Variants in SERPINE2 observed in about 807,000 individuals in gnomAD.
SERPINE2 encodes glia-derived nexin.
Under a neutral mutation model 36.3 loss-of-function variants are expected in SERPINE2, and 14 were observed. The observed-to-expected ratio is 0.39, with a 90% CI of 0.25 to 0.60. The LOEUF is 0.60. Among genes scored for constraint, SERPINE2 ranks in the 20% least tolerant of loss-of-function variants. The pLI, the probability that SERPINE2 is intolerant of heterozygous loss-of-function variation, is 0.57. For synonymous variants in SERPINE2, 192 were observed against 191.8 expected (o/e 1.00, Z -0.01); for missense variants, 418 against 499.6 (o/e 0.84, Z 1.56).
intron 1 of SERPINE2, among the ~76,000 whole-genome samples, chr2:224,038,025 A>G (rs1310781562): frequency 6.6e-6 from 1 of 152,214 alleles, no homozygotes; most frequent in African/African-American, 2.4e-5. Flanking sequence ...AGACCTTCAG[A>G]TAGTGTTGAA....
intron 3 of SERPINE2, among the ~76,000 whole-genome samples, chr2:223,993,433 G>T (rs1229496868): frequency 1.4e-5 from 2 of 148,034 alleles, no homozygotes; most frequent in Non-Finnish European, 3.1e-5. Context: ...TGAAGGTTCA[G>T]TTGTGTGTGT....
At chr2:223,997,975 G>A in intron 3 of SERPINE2, 140 bp downstream of exon 3, 2 of 676,774 alleles carry the variant, frequency 3.0e-6, no homozygotes, top group Non-Finnish European at 5.2e-6. Flanking sequence ...GAGGGAGACT[G>A]AATAGAGCTT....
At chr2:223,976,352 A>G (rs896823145) in intron 8 of SERPINE2, among the ~76,000 whole-genome samples, 1 of 152,190 alleles carries the variant, frequency 6.6e-6, no homozygotes, top group African/African-American at 2.4e-5. Flanking sequence ...GGGTTTTGCC[A>G]TGTTGGCCAG....
chr2:224,031,066 AG>A, intron 1 of SERPINE2: 1 of 975,924 alleles, frequency 1.0e-6, no homozygotes, highest in Non-Finnish European at 1.2e-6. Context: ...TCTTGAAAGG[AG>A]GAGTGTGCTT....
intron 7 of SERPINE2, chr2:223,978,059 TCTCA>T (rs1288577198): frequency 6.2e-6 from 1 of 162,492 alleles, no homozygotes; most frequent in Admixed American, 6.0e-5. Flanking sequence ...GGGGATGGAG[TCTCA>T]CTCTGTCACC....
At chr2:224,011,345 A>G (rs188405350) in intron 1 of SERPINE2, among the ~76,000 whole-genome samples, 2 of 152,234 alleles carry the variant, frequency 1.3e-5, no homozygotes, top group Admixed American at 1.3e-4. Context: ...GACATAAAAA[A>G]TATTACACAT....
At chr2:224,023,239 T>C (rs1161275793) in intron 1 of SERPINE2, among the ~76,000 whole-genome samples, 1 of 152,230 alleles carries the variant, frequency 6.6e-6, no homozygotes, top group Non-Finnish European at 1.5e-5. Flanking sequence ...GTGAGTCTGG[T>C]AATTGTTAGT....
Position 224,001,544 on chromosome 2 carries a change from C to G in SERPINE2, c.259+98G>C. 5 of 1,415,742 alleles carry G rather than the reference C, an allele frequency of 3.5e-6. No homozygotes were observed. In the South Asian group the frequency reaches 4.1e-5, roughly 12 times the overall value. 87.7% of individuals were successfully genotyped at this position (1,415,742 alleles called of 1,614,324 possible). On this transcript the variant is annotated intron_variant, in intron 2 of 8. Coordinates refer to ENST00000409304, the MANE Select transcript of SERPINE2 (RefSeq NM_001136528.2). ...ACCAGCAAATCCCCTTCTGGCTGCT[C>G]TGCTTCTTGGGGTTGTCAGCAAAAA...
chr2:224,025,328 G>A (rs1047363745), intron 1 of SERPINE2, among the ~76,000 whole-genome samples: 8 of 152,158 alleles, frequency 5.3e-5, no homozygotes, highest in Non-Finnish European at 2.9e-5. Flanking sequence ...GTATAAGTGT[G>A]TTTCCAGCAC....
At chr2:224,007,253 A>G (rs1691458700) in intron 1 of SERPINE2, among the ~76,000 whole-genome samples, 1 of 152,214 alleles carries the variant, frequency 6.6e-6, no homozygotes, top group Non-Finnish European at 1.5e-5. Context: ...GATGGTGCAC[A>G]CCTATTTTGG....
chr2:224,020,845 TG>T (rs1691975353), intron 1 of SERPINE2, among the ~76,000 whole-genome samples: 2 of 152,246 alleles, frequency 1.3e-5, no homozygotes, highest in South Asian at 2.1e-4. Flanking sequence ...AATCAAATGC[TG>T]TCTTAAAGTG....
intron 3 of SERPINE2, among the ~76,000 whole-genome samples, chr2:223,996,906 AC>A (rs1239382260): frequency 1.3e-5 from 2 of 152,092 alleles, no homozygotes; most frequent in Non-Finnish European, 2.9e-5. Context: ...GTGAGACCCC[AC>A]CTCTTCAAAA....
chr2:224,006,849 G>A (rs931666224), intron 1 of SERPINE2, among the ~76,000 whole-genome samples: 1 of 152,272 alleles, frequency 6.6e-6, no homozygotes, highest in South Asian at 2.1e-4. Context: ...TCACCCCCAT[G>A]GCAAATGTTC....
At chr2:223,981,854 A>G (rs1213744841) in intron 6 of SERPINE2, 1 of 152,186 alleles carries the variant, frequency 6.6e-6, no homozygotes, top group African/African-American at 2.4e-5. Flanking sequence ...GTTTCATATT[A>G]ATGAGCATGA....
chr2:224,029,597 C>G (rs2106200482), intron 1 of SERPINE2, among the ~76,000 whole-genome samples: 1 of 152,312 alleles, frequency 6.6e-6, no homozygotes, highest in East Asian at 1.9e-4. Flanking sequence ...GATTTTTTCA[C>G]AGTCAGAAAA....
rs889172286 is a variant in SERPINE2 at position 224,031,489 on chromosome 2, T to C, written c.-23+7610A>G. On this transcript the variant is annotated intron_variant, in intron 1 of 8. Transcript: ENST00000409304. ...TCCTAACCAAGGATTGACCATGTGA[T>C]TTGGGATTCAGCCAATCATAGAACC... is the stretch of plus-strand genomic sequence containing the variant. The C allele has an allele frequency of 4.1e-6, 4 of 985,368 alleles. No homozygotes were observed. The African/African-American group carries it at 5.2e-5, about 13-fold the overall frequency. The allele number at this position is 985,368 out of a possible 1,614,324, so 61.0% of individuals were successfully genotyped here.
In SERPINE2 at chr2:223,984,815, G is replaced by C. The variant is rs772001820; in HGVS notation, c.821C>G (p.Thr274Ser). Residue 274 changes from threonine to serine, a missense_variant, in exon 5 of 9, where the codon ACC becomes AGC. Coordinates refer to ENST00000409304, the MANE Select transcript of SERPINE2 (RefSeq NM_001136528.2). ...GCTCATCCAGCTGTCTATGGTCTTGGTGCTGATGTGTGGGATGATGGCAGA... is the reference window on the plus strand; with the variant it reads ...GCTCATCCAGCTGTCTATGGTCTTGCTGCTGATGTGTGGGATGATGGCAGA... ...PLSAIIPHIS[T>S]KTIDSWMSIM... is the part of the protein sequence containing the mutation. 2 of 1,613,868 alleles carry C rather than the reference G, an allele frequency of 1.2e-6. No individual in the cohort carries two copies. The highest frequency in any genetic ancestry group is 1.7e-4 in the Middle Eastern group (1 of 5,948).
chr2:224,035,415 C>T (rs1692502545), intron 1 of SERPINE2, among the ~76,000 whole-genome samples: 2 of 90,110 alleles, frequency 2.2e-5, no homozygotes, highest in South Asian at 4.1e-4. Context: ...CAGAGTCTCA[C>T]TCTTTCACCC....
chr2:223,977,442 G>A (rs373490502), intron 8 of SERPINE2, 102 bp downstream of exon 8: 97 of 772,448 alleles, frequency 1.3e-4, no homozygotes, highest in East Asian at 9.0e-4. Context: ...ATTGACATTA[G>A]GGAAATGGAC....
Sources: allele counts gnomAD v4.1 joint callset (sites outside exome capture counted in the v4.1 genomes callset), GRCh38; gene constraint gnomAD v4.1.1; transcripts MANE v1.5; gene names NCBI Gene and HGNC (gene_info 2026-07-23, HGNC 2026-07-21).